TMEFF2: variants seen among roughly 807,000 people sequenced by gnomAD.
TMEFF2 encodes tomoregulin-2.
In TMEFF2, 28 loss-of-function variants were observed where a neutral mutation model predicts 53.8. The ratio of observed to expected loss-of-function variants is 0.52; its 90% CI spans 0.39 to 0.71. The LOEUF (loss-of-function observed/expected upper bound fraction) is 0.71, where lower values mean the gene tolerates loss of function less well. Among genes scored for constraint, TMEFF2 ranks in the 30% least tolerant of loss-of-function variants. TMEFF2 has a pLI of 0.00. For missense variants in TMEFF2, 353 were observed against 455.2 expected (o/e 0.78, Z 2.04); for synonymous variants, 162 against 166.3 (o/e 0.97, Z 0.20).
intron 4 of TMEFF2, among the ~76,000 whole-genome samples, chr2:192,161,753 A>C (rs1296968108): frequency 2.0e-5 from 3 of 152,170 alleles, no homozygotes; most frequent in Non-Finnish European, 4.4e-5. Flanking sequence ...GGCAGTGATA[A>C]GCCCTGTTCA....
chr2:192,094,798 A>G (rs1688866405), intron 4 of TMEFF2, among the ~76,000 whole-genome samples: 1 of 152,134 alleles, frequency 6.6e-6, no homozygotes, highest in Non-Finnish European at 1.5e-5. Context: ...TAACTGTTAA[A>G]TTCACCTTAA....
chr2:192,096,435 A>G lies in TMEFF2; in HGVS notation c.440-38660T>C, dbSNP rs150592456. Among the ~76,000 whole-genome samples the G allele has an allele frequency of 2.3e-3, 349 of 152,226 alleles. 3 individuals carry two copies. Among genetic ancestry groups the G allele is most frequent in the Admixed American group, 0.013 (197 of 15,284 alleles). On this transcript the variant is annotated intron_variant, in intron 4 of 9. Coordinates refer to ENST00000272771, the MANE Select transcript of TMEFF2 (RefSeq NM_016192.4). ...AATTAATACTCATTCTACATATAAG[A>G]GATATTCCTTGCATGACTGATTTTT...
At chr2:192,184,903 T>C (rs772081465) in intron 2 of TMEFF2, among the ~76,000 whole-genome samples, 16 of 152,120 alleles carry the variant, frequency 1.1e-4, no homozygotes, top group African/African-American at 3.4e-4. Context: ...AGTGGAAATA[T>C]ATAGCCAAAA....
At chr2:192,168,653 T>C (rs1574430940) in intron 4 of TMEFF2, among the ~76,000 whole-genome samples, 1 of 152,100 alleles carries the variant, frequency 6.6e-6, no homozygotes, top group Non-Finnish European at 1.5e-5. Context: ...TATTTTTTTA[T>C]TGTTGTTGCT....
chr2:192,164,877 TATA>T (rs1367227741), intron 4 of TMEFF2, among the ~76,000 whole-genome samples: 1 of 152,174 alleles, frequency 6.6e-6, no homozygotes, highest in African/African-American at 2.4e-5. Flanking sequence ...TGGCACAGAG[TATA>T]ATAATATTAT....
At chr2:192,060,923 G>A (rs910856878) in intron 4 of TMEFF2, among the ~76,000 whole-genome samples, 1 of 152,158 alleles carries the variant, frequency 6.6e-6, no homozygotes, top group African/African-American at 2.4e-5. Flanking sequence ...GGGAAATGGA[G>A]CTACTGAAAG....
intron 5 of TMEFF2, among the ~76,000 whole-genome samples, chr2:192,053,250 A>T (rs1687817676): frequency 6.6e-6 from 1 of 151,774 alleles, no homozygotes; most frequent in South Asian, 2.1e-4. Context: ...CTATTTATTA[A>T]TTTTTTTATT....
intron 4 of TMEFF2, among the ~76,000 whole-genome samples, chr2:192,086,741 T>A (rs2105930465): frequency 6.6e-6 from 1 of 152,274 alleles, no homozygotes; most frequent in East Asian, 1.9e-4. Flanking sequence ...TAATTCATTG[T>A]GGAATATACT....
chr2:192,159,447 G>A (rs1423404255), intron 4 of TMEFF2, among the ~76,000 whole-genome samples: 3 of 152,132 alleles, frequency 2.0e-5, no homozygotes, highest in Non-Finnish European at 4.4e-5. Context: ...TGATGAAGCT[G>A]TGATTCTGGG....
chr2:192,092,300 T>A (rs947925931), intron 4 of TMEFF2, among the ~76,000 whole-genome samples: 2 of 152,186 alleles, frequency 1.3e-5, no homozygotes, highest in African/African-American at 4.8e-5. Context: ...AAGGGTTTTC[T>A]ATATTTATTT....
intron 7 of TMEFF2, among the ~76,000 whole-genome samples, chr2:191,983,397 T>TC (rs1468402579): frequency 6.6e-6 from 1 of 151,066 alleles, no homozygotes; most frequent in Non-Finnish European, 1.5e-5. Flanking sequence ...TAGCCTTTTT[T>TC]TTTTTTTCTC....
intron 7 of TMEFF2, among the ~76,000 whole-genome samples, chr2:191,974,291 A>G (rs1692738326): frequency 6.6e-6 from 1 of 152,054 alleles, no homozygotes; most frequent in Non-Finnish European, 1.5e-5. Context: ...TGGCCTGGAG[A>G]GATTCCTATG....
chr2:192,073,738 A>T (rs1688345759), intron 4 of TMEFF2, among the ~76,000 whole-genome samples: 1 of 152,020 alleles, frequency 6.6e-6, no homozygotes, highest in Non-Finnish European at 1.5e-5. Flanking sequence ...AAGTTAATTG[A>T]CTTCTCAATG....
intron 4 of TMEFF2, among the ~76,000 whole-genome samples, chr2:192,173,376 T>C (rs1394752679): frequency 2.0e-5 from 3 of 151,818 alleles, no homozygotes; most frequent in African/African-American, 4.8e-5. Flanking sequence ...GGGATTCTTA[T>C]AGATTTAGCT....
intron 4 of TMEFF2, among the ~76,000 whole-genome samples, chr2:192,172,027 T>C (rs1355621693): frequency 6.6e-6 from 1 of 151,964 alleles, no homozygotes; most frequent in Non-Finnish European, 1.5e-5. Context: ...TGAGTCCCTC[T>C]CCAGGTCCAG....
chr2:192,177,968 G>A (rs1445850650), intron 4 of TMEFF2: 1 of 150,854 alleles, frequency 6.6e-6, no homozygotes, highest in Non-Finnish European at 1.5e-5. Context: ...GAAAAATAAA[G>A]ATATGAAGTA....
rs1028121968 is a variant in TMEFF2 at position 191,949,506 on chromosome 2, T to C, written c.*805A>G. ...ACATCTAGTGGTGTTATTACATTTT[T>C]CCCCTGGTAATTCCACCCACCTAAA... On this transcript the variant is annotated 3_prime_UTR_variant, in exon 10 of 10. Transcript: ENST00000272771. The C allele has an allele frequency of 1.0e-6, 1 of 985,432 alleles. No individual in the cohort carries two copies. Among genetic ancestry groups the C allele is most frequent in the South Asian group, 4.7e-5 (1 of 21,286 alleles). 61.0% of individuals were successfully genotyped at this position (985,432 alleles called of 1,614,324 possible).
intron 4 of TMEFF2, among the ~76,000 whole-genome samples, chr2:192,173,959 T>G (rs138890241): frequency 2.9e-4 from 44 of 151,956 alleles, no homozygotes; most frequent in African/African-American, 1.0e-3. Flanking sequence ...TTTTGAATTT[T>G]TTGGAGTTCA....
At chr2:192,088,625 T>G (rs2105932264) in intron 4 of TMEFF2, among the ~76,000 whole-genome samples, 1 of 152,278 alleles carries the variant, frequency 6.6e-6, no homozygotes, top group Admixed American at 6.5e-5. Context: ...TCTGAAATAC[T>G]CATGTATTCT....
Sources: allele counts gnomAD v4.1 joint callset (sites outside exome capture counted in the v4.1 genomes callset), GRCh38; gene constraint gnomAD v4.1.1; transcripts MANE v1.5; gene names NCBI Gene and HGNC (gene_info 2026-07-23, HGNC 2026-07-21).